Variants in TBC1D21 observed in about 807,000 individuals in gnomAD.
TBC1D21 encodes male germ cell Rab GTPase-activating protein.
In TBC1D21, 38 loss-of-function variants were observed where a neutral mutation model predicts 46.0. That is an observed-to-expected ratio of 0.83 (90% CI 0.64 to 1.08). TBC1D21 has a LOEUF of 1.08. TBC1D21 is among the 50% of genes least tolerant of loss of function. The probability of loss-of-function intolerance (pLI) is 0.00; values close to 1 mark genes in which losing one functional copy is unlikely to be tolerated. For missense variants in TBC1D21, 415 were observed against 417.9 expected (o/e 0.99, Z 0.06); for synonymous variants, 151 against 157.2 (o/e 0.96, Z 0.29).
intron 6 of TBC1D21, among the ~76,000 whole-genome samples, chr15:73,885,315 C>T (rs941250312): frequency 1.3e-5 from 2 of 152,284 alleles, no homozygotes; most frequent in Non-Finnish European, 2.9e-5. Context: ...TGGAGCAAAG[C>T]TCTGGGTCCA....
chr15:73,884,146 C>G lies in TBC1D21; in HGVS notation c.273-5C>G, dbSNP rs2068201367. 1 of 1,613,140 alleles carries G rather than the reference C, an allele frequency of 6.2e-7. No individual in the cohort carries two copies. ...CCTTGTTCAGCCTCAGTTCTGTTCTCACAGGAAGAACTACAAGGCCTTATG... is the reference window on the plus strand; with the variant it reads ...CCTTGTTCAGCCTCAGTTCTGTTCTGACAGGAAGAACTACAAGGCCTTATG... On this transcript the variant is annotated splice_region_variant and splice_polypyrimidine_tract_variant and intron_variant, in intron 3 of 10. Coordinates refer to ENST00000300504, the MANE Select transcript of TBC1D21 (RefSeq NM_153356.3).
the TBC1D21 span, among the ~76,000 whole-genome samples, chr15:73,899,075 G>A: frequency 6.6e-6 from 1 of 151,668 alleles, no homozygotes; most frequent in African/African-American, 2.4e-5. Flanking sequence ...GCTCAGAAGC[G>A]CGTGTGGCTA....
At chr15:73,878,731 C>T (rs1238703640) in intron 1 of TBC1D21, among the ~76,000 whole-genome samples, 1 of 152,236 alleles carries the variant, frequency 6.6e-6, no homozygotes, top group African/African-American at 2.4e-5. Flanking sequence ...ACCAAAATCA[C>T]AGCTGCCTTT....
In TBC1D21 at chr15:73,887,537, C is replaced by T. The variant is rs74023590; in HGVS notation, c.778-83C>T. ...GCCCAGGAATGGCTGACTCCAGGCACGTGGTTGGTGGGTACCTCACCATCC... is the reference window on the plus strand; with the variant it reads ...GCCCAGGAATGGCTGACTCCAGGCATGTGGTTGGTGGGTACCTCACCATCC... On this transcript the variant is annotated intron_variant, in intron 8 of 10. Transcript: ENST00000300504. 1.1e-3 allele frequency: 1,266 copies of T among 1,168,684 alleles called. 10 individuals are homozygous for T. In the African/African-American group the frequency reaches 0.017, roughly 16 times the overall value. The allele number at this position is 1,168,684 out of a possible 1,614,324, so 72.4% of individuals were successfully genotyped here.
chr15:73,879,108 C>A (rs143673150), intron 1 of TBC1D21, among the ~76,000 whole-genome samples: 6 of 152,198 alleles, frequency 3.9e-5, no homozygotes, highest in African/African-American at 1.4e-4. Context: ...ATGTGTTTCT[C>A]AATCCATTTC....
At chr15:73,875,389 G>A (rs957558718) in intron 1 of TBC1D21, among the ~76,000 whole-genome samples, 1 of 152,144 alleles carries the variant, frequency 6.6e-6, no homozygotes, top group African/African-American at 2.4e-5. Flanking sequence ...CTTTATTGGA[G>A]GTTCTGTGGC....
At chr15:73,886,635 A>T in intron 8 of TBC1D21, 23 bp downstream of exon 8, 1 of 1,604,082 alleles carries the variant, frequency 6.2e-7, no homozygotes, top group Non-Finnish European at 8.5e-7. Context: ...GCTAGGGATC[A>T]TCAGGCTGGG....
chr15:73,903,136 C>T, the TBC1D21 span, among the ~76,000 whole-genome samples: 1 of 152,214 alleles, frequency 6.6e-6, no homozygotes, highest in South Asian at 2.1e-4. Flanking sequence ...CTTTATCCCA[C>T]CAAAACTGCC....
the TBC1D21 span, among the ~76,000 whole-genome samples, chr15:73,901,199 C>G: frequency 2.0e-5 from 3 of 152,338 alleles, no homozygotes; most frequent in African/African-American, 7.2e-5. Context: ...AGTTGAGTCC[C>G]TCTCCATGAA....
At chr15:73,893,077 T>C (rs2068350260), downstream of TBC1D21, among the ~76,000 whole-genome samples, 1 of 152,048 alleles carries the variant, frequency 6.6e-6, no homozygotes, top group Non-Finnish European at 1.5e-5. Flanking sequence ...TCACTGGTGG[T>C]GGTGATGATA....
downstream of TBC1D21, among the ~76,000 whole-genome samples, chr15:73,890,928 C>A (rs1158780195): frequency 6.6e-6 from 1 of 152,136 alleles, no homozygotes; most frequent in Admixed American, 6.6e-5. Flanking sequence ...TGCAAGGAGC[C>A]TCTTGTCTAC....
intron 8 of TBC1D21, 78 bp downstream of exon 8, chr15:73,886,690 C>G: frequency 7.5e-7 from 1 of 1,340,936 alleles, no homozygotes; most frequent in South Asian, 1.2e-5. Flanking sequence ...TTCCTTGCCT[C>G]CCCCTTTCTT....
chr15:73,873,647 T>A lies in TBC1D21; in HGVS notation c.-63T>A, dbSNP rs565702194. 19 of 1,546,546 alleles carry A rather than the reference T, an allele frequency of 1.2e-5. No homozygotes were observed. The highest frequency in any genetic ancestry group is 5.5e-5 in the African/African-American group (4 of 73,180). On this transcript the variant is annotated 5_prime_UTR_variant, in exon 1 of 11. Transcript: ENST00000300504. ...GAATGCAACCCATCTCCGAAAAGGA[T>A]TAAGCATCACTAGGGCTCCAAGTGA...
At chr15:73,899,986 C>T in the TBC1D21 span, among the ~76,000 whole-genome samples, 2 of 152,158 alleles carry the variant, frequency 1.3e-5, no homozygotes, top group Non-Finnish European at 2.9e-5. Flanking sequence ...AGTCCTGGGG[C>T]CCCGCCCCCT....
chr15:73,882,205 C>T (rs146131899), intron 3 of TBC1D21, among the ~76,000 whole-genome samples: 2 of 152,278 alleles, frequency 1.3e-5, no homozygotes, highest in Admixed American at 6.5e-5. Flanking sequence ...GGTACAAAAC[C>T]CAGTATGGGC....
At chr15:73,874,023 T>G (rs1482176915) in intron 1 of TBC1D21, among the ~76,000 whole-genome samples, 2 of 152,250 alleles carry the variant, frequency 1.3e-5, no homozygotes, top group Admixed American at 6.5e-5. Context: ...GTTGTAGGTT[T>G]GCAGGTGCGA....
At chr15:73,894,837 A>T in the TBC1D21 span, among the ~76,000 whole-genome samples, 1 of 152,232 alleles carries the variant, frequency 6.6e-6, no homozygotes, top group African/African-American at 2.4e-5. Context: ...AGTTGGTGCC[A>T]AGTGCCATCA....
the TBC1D21 span, among the ~76,000 whole-genome samples, chr15:73,907,376 C>G: frequency 6.6e-6 from 1 of 152,180 alleles, no homozygotes; most frequent in Non-Finnish European, 1.5e-5. Flanking sequence ...AAGGAAAACA[C>G]AAATTTGAGA....
the TBC1D21 span, among the ~76,000 whole-genome samples, chr15:73,899,247 G>T: frequency 0.076 from 11,603 of 152,098 alleles, 923 homozygotes; most frequent in East Asian, 0.2. Context: ...CTGGGAAGCG[G>T]GTGAGCCTTG....
Sources: gnomAD v4.1 joint callset for allele counts (sites outside exome capture counted in the v4.1 genomes callset) on GRCh38, gnomAD v4.1.1 for gene constraint, MANE v1.5 for transcripts, NCBI Gene and HGNC (gene_info 2026-07-23, HGNC 2026-07-21) for gene names.